Variants in HDAC4 observed in about 807,000 individuals in gnomAD.
HDAC4 encodes the protein histone deacetylase 4.
HDAC4 carries 16 observed loss-of-function variants against 135.1 expected under a neutral mutation model. The ratio of observed to expected loss-of-function variants is 0.12; its 90% CI spans 0.08 to 0.18. The LOEUF (loss-of-function observed/expected upper bound fraction) is 0.18. Ranked by LOEUF, HDAC4 falls within the 10% of genes least tolerant of loss-of-function variation. HDAC4 has a pLI of 1.00. For synonymous variants in HDAC4, 685 were observed against 653.4 expected, an observed-to-expected ratio of 1.05 and a Z score of -0.74; for missense variants, 1,143 against 1,511.8, an observed-to-expected ratio of 0.76 and a Z score of 4.05.
At chr2:239,081,791 A>G (rs1256574785) in intron 21 of HDAC4, among the ~76,000 whole-genome samples, 7 of 152,200 alleles carry the variant, frequency 4.6e-5, no homozygotes, top group African/African-American at 1.7e-4. Context: ...TGTGGAAGAC[A>G]GTGGCCTGGG....
intron 6 of HDAC4, among the ~76,000 whole-genome samples, chr2:239,159,102 C>A (rs912482476): frequency 6.6e-6 from 1 of 150,800 alleles, no homozygotes; most frequent in African/African-American, 2.4e-5. Flanking sequence ...ACACACACAC[C>A]CGCACTTCAC....
rs1045535951 is a variant in HDAC4, at chr2:239,331,696, C to T, written c.22+20982G>A. 3.3e-5 allele frequency among the ~76,000 whole-genome samples: 5 copies of T among 152,070 alleles called. No individual in the cohort carries two copies. Among genetic ancestry groups the T allele is most frequent in the Non-Finnish European group, 4.4e-5 (3 of 68,026 alleles). On this transcript the variant is annotated intron_variant, in intron 2 of 26. Transcript: ENST00000543185. This position sits in a 1 kb window ranked among gnomAD's most constrained non-coding sequence, Gnocchi z 4.5. ...CCTCAGCTTCCACTCTGGGCTACAG[C>T]GGGCCATACTAACCCTCCAGCCAGG...
chr2:239,162,018 G>A, intron 6 of HDAC4: 1 of 425,848 alleles, frequency 2.3e-6, no homozygotes. Flanking sequence ...CCCGTCCACT[G>A]TCCACTGACT....
intron 1 of HDAC4, among the ~76,000 whole-genome samples, chr2:239,368,552 C>A (rs1694384008): frequency 1.3e-5 from 2 of 152,124 alleles, no homozygotes; most frequent in Admixed American, 1.3e-4. Context: ...ACTTCCTTCT[C>A]CATTGGGGGA....
chr2:239,209,769 C>T (rs192594754), intron 3 of HDAC4, among the ~76,000 whole-genome samples: 58 of 152,250 alleles, frequency 3.8e-4, no homozygotes, highest in Admixed American at 2.4e-3. Flanking sequence ...GACCTGTATC[C>T]GTAACATGTA....
At chr2:239,152,985 G>A (rs548239632) in intron 7 of HDAC4, among the ~76,000 whole-genome samples, 15 of 152,340 alleles carry the variant, frequency 9.8e-5, no homozygotes, top group Non-Finnish European at 1.5e-4. Context: ...CGAAACTGAG[G>A]CACAGAGAGG....
Position 239,066,960 on chromosome 2 carries a change from G to A in HDAC4, c.2870-105C>T, listed in dbSNP as rs1317731732. On this transcript the variant is annotated intron_variant, in intron 23 of 26. Transcript: ENST00000543185. ...TCGTAAGAAGACTGGGGGCTGGGGT[G>A]TCGAGACACATGGCCAGGCCGGGTT... The A allele has an allele frequency of 2.9e-6, 4 of 1,399,000 alleles. 1 individual carries two copies. In the Admixed American group the frequency reaches 8.0e-5, roughly 28 times the overall value. 86.7% of individuals were successfully genotyped at this position (1,399,000 alleles called of 1,614,324 possible).
rs1404616587 is a variant in HDAC4 at position 239,053,033 on chromosome 2, A to G, written c.*64T>C. On this transcript the variant is annotated 3_prime_UTR_variant, in exon 27 of 27. Coordinates refer to ENST00000543185, the MANE Select transcript of HDAC4 (RefSeq NM_001378414.1). ...GTGGGACGCAGGCGTGACACGGGAA[A>G]GTTTCTTGGCTGAGCTTCAAGACAG... The G allele has an allele frequency of 2.9e-5, 46 of 1,595,190 alleles. No individual in the cohort carries two copies. Among genetic ancestry groups the G allele is most frequent in the Non-Finnish European group, 3.6e-5 (42 of 1,162,890 alleles).
chr2:239,336,513 T>TA (rs948989750), intron 2 of HDAC4, among the ~76,000 whole-genome samples: 8 of 151,584 alleles, frequency 5.3e-5, no homozygotes, highest in Admixed American at 2.6e-4. Flanking sequence ...TGCACAACCA[T>TA]AAAAAAAAGA....
chr2:239,221,988 G>C (rs927644851), intron 3 of HDAC4, among the ~76,000 whole-genome samples: 3 of 152,244 alleles, frequency 2.0e-5, no homozygotes, highest in Admixed American at 6.5e-5. Context: ...AATTTGATTC[G>C]AACAGAAAAT....
At chr2:239,131,492 G>A (rs914833700) in intron 11 of HDAC4, among the ~76,000 whole-genome samples, 7 of 152,234 alleles carry the variant, frequency 4.6e-5, no homozygotes, top group African/African-American at 9.6e-5. Flanking sequence ...CAGGGAAGGA[G>A]CAACAAGGCA....
chr2:239,259,525 A>G (rs1428036856), intron 2 of HDAC4, among the ~76,000 whole-genome samples: 1 of 152,260 alleles, frequency 6.6e-6, no homozygotes, highest in East Asian at 1.9e-4. Flanking sequence ...TTGGGTAATA[A>G]AAATAGCACA....
At chr2:239,250,783 C>T (rs935602013) in intron 2 of HDAC4, among the ~76,000 whole-genome samples, 2 of 152,202 alleles carry the variant, frequency 1.3e-5, no homozygotes, top group African/African-American at 2.4e-5. Flanking sequence ...GCCAGAAGCC[C>T]GCTGCCAGAG....
At chr2:239,149,056 A>G (rs868193185) in intron 7 of HDAC4, among the ~76,000 whole-genome samples, 28 of 152,322 alleles carry the variant, frequency 1.8e-4, no homozygotes, top group Admixed American at 1.4e-3. Context: ...TCCTATCATG[A>G]ACATCATGGG....
intron 12 of HDAC4, among the ~76,000 whole-genome samples, chr2:239,117,601 G>A (rs1316521586): frequency 6.6e-6 from 1 of 151,890 alleles, no homozygotes; most frequent in Non-Finnish European, 1.5e-5. Flanking sequence ...CAGGAGAGAG[G>A]GCGGGGGTCT....
At chr2:239,260,041 C>G (rs558426335) in intron 2 of HDAC4, among the ~76,000 whole-genome samples, 2 of 152,236 alleles carry the variant, frequency 1.3e-5, no homozygotes, top group Non-Finnish European at 2.9e-5. Context: ...TTGCCTTCCA[C>G]CCCCAACGCT....
At chr2:239,386,512 C>T (rs1695819718) in intron 1 of HDAC4, among the ~76,000 whole-genome samples, 1 of 152,132 alleles carries the variant, frequency 6.6e-6, no homozygotes, top group Non-Finnish European at 1.5e-5. Context: ...GGGTGCGAGG[C>T]CTCTGGAGCC....
At chr2:239,176,713 A>T (rs983158421) in intron 4 of HDAC4, 150 bp from the exon 5 acceptor site, 1 of 670,978 alleles carries the variant, frequency 1.5e-6, no homozygotes, top group East Asian at 2.7e-5. Flanking sequence ...CTGCTATTTC[A>T]GTCCAAAAAA....
At chr2:239,250,700 G>A (rs2048736224) in intron 2 of HDAC4, among the ~76,000 whole-genome samples, 1 of 152,232 alleles carries the variant, frequency 6.6e-6, no homozygotes, top group Admixed American at 6.5e-5. Flanking sequence ...GGGGCCAGAA[G>A]AGGCACTTCC....
Sources: allele counts gnomAD v4.1 joint callset (sites outside exome capture counted in the v4.1 genomes callset), GRCh38; gene constraint gnomAD v4.1.1; non-coding constraint Gnocchi (gnomAD v3.1); transcripts MANE v1.5; gene names NCBI Gene and HGNC (gene_info 2026-07-23, HGNC 2026-07-21).